SLF1: variants seen among roughly 807,000 people sequenced by gnomAD.
SLF1 encodes the protein SMC5-SMC6 complex localization factor protein 1.
Under a neutral mutation model 123.0 loss-of-function variants are expected in SLF1, and 105 were observed. That is an observed-to-expected ratio of 0.85 (90% CI 0.73 to 1.00). The LOEUF (loss-of-function observed/expected upper bound fraction) is 1.00. Ranked by LOEUF, SLF1 falls within the 50% of genes least tolerant of loss-of-function variation. The pLI, the probability that SLF1 is intolerant of heterozygous loss-of-function variation, is 0.00. For synonymous variants in SLF1, 434 were observed against 406.6 expected (o/e 1.07, Z -0.81); for missense variants, 1,239 against 1,223.0 (o/e 1.01, Z -0.20).
chr5:94,653,700 T>A (rs1748025478), intron 8 of SLF1, among the ~76,000 whole-genome samples: 1 of 152,212 alleles, frequency 6.6e-6, no homozygotes, highest in African/African-American at 2.4e-5. Flanking sequence ...TTTCTTAAAA[T>A]GAAAAAATCT....
At chr5:94,656,742 C>G (rs1388149829) in intron 9 of SLF1, among the ~76,000 whole-genome samples, 4 of 151,654 alleles carry the variant, frequency 2.6e-5, no homozygotes, top group African/African-American at 7.3e-5. Flanking sequence ...TCCATTTCCC[C>G]TAAGTTTTCT....
intron 9 of SLF1, among the ~76,000 whole-genome samples, chr5:94,661,657 C>T (rs1016838921): frequency 1.3e-5 from 2 of 151,934 alleles, no homozygotes; most frequent in African/African-American, 2.4e-5. Context: ...GCCTCAGCCT[C>T]CTGAGAGTAG....
chr5:94,661,524 G>GT lies in SLF1; in HGVS notation c.1156-768dup, dbSNP rs1251680964. Among the ~76,000 whole-genome samples the GT allele has an allele frequency of 2.6e-5, 4 of 151,090 alleles. No homozygotes were observed. The East Asian group carries it at 7.8e-4, about 29-fold the overall frequency. On this transcript the variant is annotated intron_variant, in intron 9 of 20. Transcript: ENST00000265140. ...CATCTTGAAGCCCCCTTCTTCCAGGGTTTTTTGTTTTTTTGTTTTTTTTTT... is the reference window on the plus strand; with the variant it reads ...CATCTTGAAGCCCCCTTCTTCCAGGGTTTTTTTGTTTTTTTGTTTTTTTTTT...
At chr5:94,637,401 C>G (rs1316668834) in intron 4 of SLF1, among the ~76,000 whole-genome samples, 2 of 152,016 alleles carry the variant, frequency 1.3e-5, no homozygotes, top group African/African-American at 4.8e-5. Context: ...TGGCTGAGCT[C>G]TGCAATCAGG....
At chr5:94,628,726 G>A (rs1744887322) in intron 1 of SLF1, 85 bp from the exon 2 acceptor site, 3 of 748,342 alleles carry the variant, frequency 4.0e-6, no homozygotes, top group Non-Finnish European at 6.1e-6. Context: ...TTTATTTTTA[G>A]TACTCATAGT....
At chr5:94,686,425 T>C in intron 15 of SLF1, 148 bp from the exon 16 acceptor site, 1 of 819,288 alleles carries the variant, frequency 1.2e-6, no homozygotes, top group Non-Finnish European at 1.9e-6. Context: ...TGATATGACC[T>C]ATTTTTTGTG....
In SLF1 at chr5:94,629,158, T is replaced by C; in HGVS notation, c.181T>C (p.Cys61Arg). The change falls in exon 3 of 21, where the codon TGT (cysteine) becomes CGT (arginine). Residue 61 changes from cysteine to arginine, a missense_variant. Cys to Arg is a radical substitution (Grantham distance 180). Coordinates refer to ENST00000265140, the MANE Select transcript of SLF1 (RefSeq NM_032290.4). Reference sequence around the variant, plus strand: ...TAAGAGTGAAAAATTTTTAGCAGCTTGTGCGGCAGGTAAGTTAACTGTCTT... The same window carrying C: ...TAAGAGTGAAAAATTTTTAGCAGCTCGTGCGGCAGGTAAGTTAACTGTCTT... The part of the protein sequence containing the change: ...LCKSEKFLAA[C>R]AAGKWILTKD... 1.9e-6 allele frequency: 3 copies of C among 1,548,126 alleles called. No individual in the cohort carries two copies. The highest frequency in any genetic ancestry group is 2.6e-6 in the Non-Finnish European group (3 of 1,145,590).
intron 5 of SLF1, among the ~76,000 whole-genome samples, chr5:94,648,417 T>A (rs1182879731): frequency 6.6e-6 from 1 of 152,176 alleles, no homozygotes; most frequent in Non-Finnish European, 1.5e-5. Context: ...TTGTTTTTTT[T>A]ATAATTGTTC....
chr5:94,636,197 G>A (rs1745753512), intron 4 of SLF1, among the ~76,000 whole-genome samples: 1 of 151,984 alleles, frequency 6.6e-6, no homozygotes, highest in South Asian at 2.1e-4. Context: ...CTTATCTCCT[G>A]CTGCTTTCAG....
intron 4 of SLF1, among the ~76,000 whole-genome samples, chr5:94,638,062 GTTGAC>G (rs1295469310): frequency 1.3e-5 from 2 of 152,220 alleles, no homozygotes; most frequent in Admixed American, 1.3e-4. Flanking sequence ...GTGCTGTGCT[GTTGAC>G]TGATACCTCT....
rs188766986 is a variant in SLF1 at position 94,636,323 on chromosome 5, T to C, written c.431+5580T>C. On this transcript the variant is annotated intron_variant, in intron 4 of 20. Transcript: ENST00000265140. The stretch of plus-strand genomic sequence containing the variant: ...CTTCTTGTCCCTGGATGTGGTCATC[T>C]TTTCCCAGATTTCAGAAGTTTTCAG... Among the ~76,000 whole-genome samples, 4 of 152,342 alleles carry C rather than the reference T, an allele frequency of 2.6e-5. No homozygotes were observed. The East Asian group carries it at 5.8e-4, about 22-fold the overall frequency.
At chr5:94,688,430 G>C in intron 16 of SLF1, 76 bp from the exon 17 acceptor site, 1 of 1,445,292 alleles carries the variant, frequency 6.9e-7, no homozygotes, top group Admixed American at 1.8e-5. Context: ...AAATGTAATA[G>C]TGAAATGAAT....
Position 94,643,400 on chromosome 5 carries a change from T to C in SLF1, c.559T>C (p.Tyr187His). ...AAAAGATAACTTTAAGGCTCCATTT[T>C]ATCCAATTCAGTATCTAGGGGATTT... ...KEKDNFKAPF[Y>H]PIQYLGDFLL... The change falls in exon 5 of 21, where the codon TAT (tyrosine) becomes CAT (histidine). Residue 187 changes from tyrosine (Y) to histidine (H), a missense_variant. Physicochemically the swap from Tyr to His is moderately conservative, Grantham distance 83. Transcript: ENST00000265140. 6.6e-6 allele frequency: 10 copies of C among 1,525,062 alleles called. No individual in the cohort carries two copies. The highest frequency in any genetic ancestry group is 2.5e-5 in the East Asian group (1 of 40,342). 94.5% of individuals were successfully genotyped at this position (1,525,062 alleles called of 1,614,324 possible). A position where few individuals can be genotyped will look rare whatever the true frequency, so the allele number is the denominator to read the frequency against.
intron 4 of SLF1, among the ~76,000 whole-genome samples, chr5:94,636,374 T>G (rs1347125551): frequency 6.6e-6 from 1 of 152,202 alleles, no homozygotes; most frequent in East Asian, 1.9e-4. Context: ...ATATGCTTTC[T>G]GGTCCCTTTC....
rs575208717 is a variant in SLF1 at position 94,678,171 on chromosome 5, C to T, written c.1828-637C>T. 8.5e-5 allele frequency among the ~76,000 whole-genome samples: 13 copies of T among 152,268 alleles called. No homozygotes were observed. In the East Asian group the frequency reaches 1.4e-3, roughly 16 times the overall value. Reference sequence around the variant, plus strand: ...TCCTGACCTCGTGATCCACCCACCTCGGCCTCCCAAAGTGCTGGGATTACA... The same window carrying T: ...TCCTGACCTCGTGATCCACCCACCTTGGCCTCCCAAAGTGCTGGGATTACA... On this transcript the variant is annotated intron_variant, in intron 14 of 20. Transcript: ENST00000265140.
rs192635119 is a variant in SLF1 at position 94,643,793 on chromosome 5, C to T, written c.594+358C>T. 2.3e-3 allele frequency among the ~76,000 whole-genome samples: 353 copies of T among 152,148 alleles called. 2 individuals are homozygous for T. Among genetic ancestry groups the T allele is most frequent in the African/African-American group, 7.8e-3 (323 of 41,526 alleles). ...TAGAAATACTGTCCTGTCCTATTCC[C>T]CTACATCCTCCTCCTTACTTGGTGT... On this transcript the variant is annotated intron_variant, in intron 5 of 20. Transcript: ENST00000265140.
At position 94,647,752 on chromosome 5, in the gene SLF1, A is replaced by C. The variant is rs142244827; in HGVS notation, c.595-1702A>C. 3.5e-5 allele frequency among the ~76,000 whole-genome samples: 4 copies of C among 114,236 alleles called. 1 individual carries two copies. Among genetic ancestry groups the C allele is most frequent in the Admixed American group, 3.4e-4 (4 of 11,774 alleles). The allele number at this position is 114,236 out of a possible 152,430, so 74.9% of individuals were successfully genotyped here. The stretch of plus-strand genomic sequence containing the variant: ...AGAGTCACCAATTAGACAAAGTATT[A>C]GTGGCTTAGAGAAAAATATGTGGAT... On this transcript the variant is annotated intron_variant, in intron 5 of 20. Coordinates refer to ENST00000265140, the MANE Select transcript of SLF1 (RefSeq NM_032290.4).
chr5:94,676,716 A>T (rs750970653), intron 14 of SLF1, among the ~76,000 whole-genome samples: 1 of 152,262 alleles, frequency 6.6e-6, no homozygotes. Context: ...GAGGACCTGC[A>T]CACATGCTAC....
intron 10 of SLF1, among the ~76,000 whole-genome samples, chr5:94,663,366 G>T (rs1749355826): frequency 6.6e-6 from 1 of 152,238 alleles, no homozygotes; most frequent in South Asian, 2.1e-4. Context: ...TTACTAGGCT[G>T]GGTGCAGTGG....
Sources: gnomAD v4.1 joint callset for allele counts (sites outside exome capture counted in the v4.1 genomes callset) on GRCh38, gnomAD v4.1.1 for gene constraint, MANE v1.5 for transcripts, NCBI Gene and HGNC (gene_info 2026-07-23, HGNC 2026-07-21) for gene names.